ARHGAP29: variants seen among roughly 807,000 people sequenced by gnomAD.
The protein encoded by ARHGAP29 is Rho GTPase activating protein 29, also known as rho GTPase-activating protein 29.
A neutral mutation model predicts 122.6 loss-of-function variants in ARHGAP29; 43 were observed. The observed-to-expected ratio is 0.35, with a 90% CI of 0.27 to 0.45. The LOEUF (loss-of-function observed/expected upper bound fraction) is 0.45, where lower values mean the gene tolerates loss of function less well. Ranked by LOEUF, ARHGAP29 falls within the 20% of genes least tolerant of loss-of-function variation. The probability of loss-of-function intolerance (pLI) is 1.00; values close to 1 mark genes in which losing one functional copy is unlikely to be tolerated. For missense variants in ARHGAP29, 1,303 were observed against 1,477.2 expected, an observed-to-expected ratio of 0.88 and a Z score of 1.93; for synonymous variants, 506 against 497.1, an observed-to-expected ratio of 1.02 and a Z score of -0.24.
At chr1:94,200,670 T>TG (rs1162281216) in intron 12 of ARHGAP29, among the ~76,000 whole-genome samples, 2 of 152,186 alleles carry the variant, frequency 1.3e-5, no homozygotes, top group Non-Finnish European at 2.9e-5. Flanking sequence ...GGATAAACAC[T>TG]GTAGTACAGT....
At chr1:94,311,876 T>C in the ARHGAP29 span, among the ~76,000 whole-genome samples, 1 of 152,230 alleles carries the variant, frequency 6.6e-6, no homozygotes, top group Non-Finnish European at 1.5e-5. Context: ...CTTCTGTAAC[T>C]ATGTTCTTCT....
At chr1:94,286,693 G>A in the ARHGAP29 span, among the ~76,000 whole-genome samples, 1 of 151,836 alleles carries the variant, frequency 6.6e-6, no homozygotes, top group African/African-American at 2.4e-5. Flanking sequence ...TTAAAAGTGA[G>A]GTCAGAAGAA....
At chr1:94,218,120 A>G (rs990710745) in intron 3 of ARHGAP29, among the ~76,000 whole-genome samples, 3 of 152,176 alleles carry the variant, frequency 2.0e-5, no homozygotes, top group African/African-American at 7.2e-5. Flanking sequence ...AAGTTGCTGA[A>G]TATTTTTCAA....
intron 3 of ARHGAP29, among the ~76,000 whole-genome samples, chr1:94,219,774 TAC>T (rs1179405226): frequency 2.0e-5 from 3 of 152,196 alleles, no homozygotes; most frequent in African/African-American, 4.8e-5. Flanking sequence ...ATGCTATAGA[TAC>T]ACACACACCC....
At chr1:94,242,335 A>C (rs771892165), upstream of ARHGAP29, among the ~76,000 whole-genome samples, 62 of 152,166 alleles carry the variant, frequency 4.1e-4, no homozygotes, top group Non-Finnish European at 6.9e-4. Context: ...CCACACCCCA[A>C]CAAAGCTTCA....
intron 2 of ARHGAP29, among the ~76,000 whole-genome samples, chr1:94,229,567 G>A (rs1427426295): frequency 6.6e-6 from 1 of 151,602 alleles, no homozygotes; most frequent in Non-Finnish European, 1.5e-5. Flanking sequence ...GCATACTACT[G>A]AGTTGGTTAT....
In ARHGAP29 at chr1:94,247,347, T is replaced by G. The variant is rs6703311; in HGVS notation, c.-32-15704A>C. ...TCCACCCGGCCAGCTTCTCCCCTGCTGCCCGCCGGCGTCACACAACTCAGA... is the reference window on the plus strand; with the variant it reads ...TCCACCCGGCCAGCTTCTCCCCTGCGGCCCGCCGGCGTCACACAACTCAGA... On this transcript the variant is annotated intron_variant and NMD_transcript_variant, in intron 1 of 25. Coordinates refer to the ARHGAP29 transcript ENST00000552844. Among the ~76,000 whole-genome samples, 1,382 of 152,126 alleles carry G rather than the reference T, an allele frequency of 9.1e-3. 20 individuals carry two copies. Among genetic ancestry groups the G allele is most frequent in the African/African-American group, 0.031 (1,271 of 41,540 alleles).
At chr1:94,196,172 C>T (rs1446265857) in intron 12 of ARHGAP29, among the ~76,000 whole-genome samples, 1 of 151,858 alleles carries the variant, frequency 6.6e-6, no homozygotes, top group African/African-American at 2.4e-5. Context: ...ACAGAACACA[C>T]ATGCTTTTCA....
chr1:94,303,232 A>C, the ARHGAP29 span, among the ~76,000 whole-genome samples: 1 of 152,206 alleles, frequency 6.6e-6, no homozygotes, highest in African/African-American at 2.4e-5. Flanking sequence ...CCAGCCAAAA[A>C]AAAAGGAAGG....
At chr1:94,197,700 C>A (rs1362717156) in intron 12 of ARHGAP29, among the ~76,000 whole-genome samples, 1 of 152,094 alleles carries the variant, frequency 6.6e-6, no homozygotes, top group Non-Finnish European at 1.5e-5. Flanking sequence ...AAGCTAGGTC[C>A]ACACTCATGT....
chr1:94,313,115 T>A, the ARHGAP29 span, among the ~76,000 whole-genome samples: 1 of 152,230 alleles, frequency 6.6e-6, no homozygotes, highest in African/African-American at 2.4e-5. Context: ...ACCTATAGAC[T>A]TTCCCATCTC....
At chr1:94,196,250 G>GTT (rs1557852105) in intron 12 of ARHGAP29, among the ~76,000 whole-genome samples, 10 of 39,080 alleles carry the variant, frequency 2.6e-4, no homozygotes, top group African/African-American at 7.2e-4. Flanking sequence ...ATTTTTCCGT[G>GTT]TTTTTCTTTT....
chr1:94,199,266 G>A (rs28796027), intron 12 of ARHGAP29, among the ~76,000 whole-genome samples: 13,493 of 152,038 alleles, frequency 0.089, 870 homozygotes, highest in African/African-American at 0.17. Flanking sequence ...GTACTTCAGT[G>A]CAACAAAATA....
intron 1 of ARHGAP29, among the ~76,000 whole-genome samples, chr1:94,273,901 TAA>T (rs146320966): frequency 6.8e-6 from 1 of 147,460 alleles, no homozygotes; most frequent in African/African-American, 2.5e-5. Context: ...GCAGTAGCAT[TAA>T]AAAAAAAAGA....
chr1:94,243,869 G>A (rs1183833512), intron 1 of ARHGAP29, among the ~76,000 whole-genome samples: 1 of 151,424 alleles, frequency 6.6e-6, no homozygotes, highest in Non-Finnish European at 1.5e-5. Context: ...ACAGACACAA[G>A]GATAAAAGGA....
In ARHGAP29 at chr1:94,203,984, G is replaced by A; in HGVS notation, c.708C>T (p.Ser236=). The A allele has an allele frequency of 1.2e-6, 2 of 1,613,322 alleles. No individual in the cohort carries two copies. Among genetic ancestry groups the A allele is most frequent in the Admixed American group, 1.7e-5 (1 of 59,970 alleles). The part of the protein sequence containing the change: ...VEKKLNLELE[S]TRNMVKLAEA... Reference sequence around the variant, plus strand: ...CTGCCAACTTGACCATATTTCTAGTGGACTCCAATTCTGAAAAGTTCAAAG... The same window carrying A: ...CTGCCAACTTGACCATATTTCTAGTAGACTCCAATTCTGAAAAGTTCAAAG... The change falls in exon 8 of 23, where the codon TCC becomes TCT. Residue 236 remains serine, a synonymous_variant. Coordinates refer to ENST00000260526, the MANE Select transcript of ARHGAP29 (RefSeq NM_004815.4).
chr1:94,278,225 A>G (rs1655249577), upstream of ARHGAP29, among the ~76,000 whole-genome samples: 1 of 152,202 alleles, frequency 6.6e-6, no homozygotes, highest in Admixed American at 6.5e-5. Context: ...AGGCTGAGGC[A>G]GAGAGATAAT....
the ARHGAP29 span, among the ~76,000 whole-genome samples, chr1:94,303,543 T>C: frequency 6.6e-6 from 1 of 152,336 alleles, no homozygotes; most frequent in Admixed American, 6.5e-5. Context: ...AACTATACAC[T>C]TAAAAATGGT....
At position 94,236,601 on chromosome 1, in the gene ARHGAP29, A is replaced by G. The variant is rs2101627734; in HGVS notation, c.-33+814T>C. Among the ~76,000 whole-genome samples the G allele has an allele frequency of 2.0e-5, 3 of 152,314 alleles. No individual in the cohort carries two copies. The South Asian group carries it at 6.2e-4, about 32-fold the overall frequency. Reference sequence around the variant, plus strand: ...TACCCTCTGAGAAAGTTTTAAAAAGATAAACATAGAGACAAGAGGCTCGTC... The same window carrying G: ...TACCCTCTGAGAAAGTTTTAAAAAGGTAAACATAGAGACAAGAGGCTCGTC... On this transcript the variant is annotated intron_variant, in intron 1 of 22. Transcript: ENST00000260526.
Sources: allele counts gnomAD v4.1 joint callset (sites outside exome capture counted in the v4.1 genomes callset), GRCh38; gene constraint gnomAD v4.1.1; transcripts MANE v1.5; gene names NCBI Gene and HGNC (gene_info 2026-07-23, HGNC 2026-07-21).